TIGD7: variants seen among roughly 807,000 people sequenced by gnomAD.
TIGD7 encodes the protein tigger transposable element-derived protein 7.
Under a neutral mutation model 24.8 loss-of-function variants are expected in TIGD7, and 26 were observed. The ratio of observed to expected loss-of-function variants is 1.05; its 90% CI spans 0.77 to 1.45. The LOEUF (loss-of-function observed/expected upper bound fraction) is 1.45, where lower values mean the gene tolerates loss of function less well. Among genes scored for constraint, TIGD7 ranks in the 40% most tolerant of loss-of-function variants. The probability of loss-of-function intolerance (pLI) is 0.00; values close to 1 mark genes in which losing one functional copy is unlikely to be tolerated. For missense variants in TIGD7, 679 were observed against 641.6 expected (o/e 1.06, Z -0.63); for synonymous variants, 221 against 224.1 (o/e 0.99, Z 0.12).
chr16:3,302,538 A>T (rs1454941627), intron 1 of TIGD7, among the ~76,000 whole-genome samples: 1 of 152,230 alleles, frequency 6.6e-6, no homozygotes, highest in Admixed American at 6.5e-5. Context: ...CATGGAGAAG[A>T]TTACAAGAGA....
rs145410817 is a variant in TIGD7 at position 3,300,790 on chromosome 16, T to C, written c.-176A>G. The C allele has an allele frequency of 3.0e-5, 34 of 1,148,554 alleles. No homozygotes were observed. In the East Asian group the frequency reaches 9.5e-4, roughly 32 times the overall value. The allele number at this position is 1,148,554 out of a possible 1,614,324, so 71.1% of individuals were successfully genotyped here. A position where few individuals can be genotyped will look rare whatever the true frequency, so the allele number is the denominator to read the frequency against. Reference sequence around the variant, plus strand: ...GCTAACCATGACTGAAGAGCTAGTCTAGAGGTGGAGGTCTTATGCACTCAG... The same window carrying C: ...GCTAACCATGACTGAAGAGCTAGTCCAGAGGTGGAGGTCTTATGCACTCAG... On this transcript the variant is annotated 5_prime_UTR_variant, in exon 2 of 2. Coordinates refer to ENST00000396862, the MANE Select transcript of TIGD7 (RefSeq NM_033208.4).
Position 3,301,925 on chromosome 16 carries a change from G to C in TIGD7, c.-1311C>G, listed in dbSNP as rs527509086. The C allele has an allele frequency of 1.2e-5, 2 of 167,136 alleles. No homozygotes were observed. The highest frequency in any genetic ancestry group is 1.9e-4 in the East Asian group (1 of 5,188). The allele number at this position is 167,136 out of a possible 1,614,324, so 10.4% of individuals were successfully genotyped here. A position where few individuals can be genotyped will look rare whatever the true frequency, so the allele number is the denominator to read the frequency against. On this transcript the variant is annotated 5_prime_UTR_variant, in exon 2 of 2. Coordinates refer to ENST00000396862, the MANE Select transcript of TIGD7 (RefSeq NM_033208.4). ...ATTCCAGGTCCTTAGAAATGTCTTAGTCTAGATTAATTTCCTGGTTCTCAG... is the reference window on the plus strand; with the variant it reads ...ATTCCAGGTCCTTAGAAATGTCTTACTCTAGATTAATTTCCTGGTTCTCAG...
rs1342905879 is a variant in TIGD7, at chr16:3,301,976, A to G, written c.-1362T>C. ...TCCAGATACACAACCTCATGGGAAG[A>G]AACAAAAACTGCCACTTTTATCCAT... is the stretch of plus-strand genomic sequence containing the variant. On this transcript the variant is annotated 5_prime_UTR_variant, in exon 2 of 2. Transcript: ENST00000396862. The G allele has an allele frequency of 6.0e-6, 1 of 167,050 alleles. No homozygotes were observed. Among genetic ancestry groups the G allele is most frequent in the African/African-American group, 2.4e-5 (1 of 41,462 alleles). The allele number at this position is 167,050 out of a possible 1,614,324, so 10.3% of individuals were successfully genotyped here.
chr16:3,304,085 C>G (rs1960033436), intron 1 of TIGD7, among the ~76,000 whole-genome samples: 1 of 152,214 alleles, frequency 6.6e-6, no homozygotes, highest in African/African-American at 2.4e-5. Context: ...ATCCGCCCGC[C>G]TCGGCCTCCC....
At chr16:3,302,392 C>T (rs906841593) in intron 1 of TIGD7, among the ~76,000 whole-genome samples, 2 of 152,196 alleles carry the variant, frequency 1.3e-5, no homozygotes, top group African/African-American at 4.8e-5. Flanking sequence ...TCCCAAAGTG[C>T]TGGGATTACA....
chr16:3,303,171 G>T (rs1959988186), intron 1 of TIGD7, among the ~76,000 whole-genome samples: 1 of 152,196 alleles, frequency 6.6e-6, no homozygotes, highest in African/African-American at 2.4e-5. Context: ...GCCCAAGCAA[G>T]GGGAGGTGAA....
Position 3,299,372 on chromosome 16 carries a change from A to C in TIGD7, c.1243T>G (p.Leu415Val). Reference protein sequence around the residue: ...KKEPEYDFQGLEHGDYREILE... With the variant: ...KKEPEYDFQGVEHGDYREILE... The stretch of plus-strand genomic sequence containing the variant: ...ATTTCTCTATAATCCCCATGTTCTA[A>C]GCCTTGAAAATCATATTCAGGTTCC... Residue 415 changes from leucine (L) to valine (V), a missense_variant, in exon 2 of 2, where the codon TTA becomes GTA. Leu to Val is a conservative substitution (Grantham distance 32). Transcript: ENST00000396862. 6.4e-7 allele frequency: 1 copy of C among 1,566,848 alleles called. No homozygotes were observed. Among genetic ancestry groups the C allele is most frequent in the South Asian group, 1.2e-5 (1 of 82,888 alleles).
At position 3,299,579 on chromosome 16, in the gene TIGD7, G is replaced by GCTT. The variant is rs1567258406; in HGVS notation, c.1033_1035dup (p.Lys345dup). On this transcript the variant is annotated inframe_insertion, in exon 2 of 2. Transcript: ENST00000396862. The stretch of plus-strand genomic sequence containing the variant: ...AATATTACAAGACTCTCTTCAAGTT[G>GCTT]CTTCCATCTATACAGCCGTTTGCAG... 2.6e-6 allele frequency: 4 copies of GCTT among 1,539,754 alleles called. No homozygotes were observed.
At position 3,300,698 on chromosome 16, in the gene TIGD7, T is replaced by C. The variant is rs1213085243; in HGVS notation, c.-84A>G. On this transcript the variant is annotated 5_prime_UTR_variant, in exon 2 of 2. Transcript: ENST00000396862. Reference sequence around the variant, plus strand: ...TGGCAAAAAAAAAACCCACATTTTTTAAACAAAACTTAGCTGAAAGCCCCA... The same window carrying C: ...TGGCAAAAAAAAAACCCACATTTTTCAAACAAAACTTAGCTGAAAGCCCCA... 6.7e-6 allele frequency: 10 copies of C among 1,501,196 alleles called. No homozygotes were observed. In the South Asian group the frequency reaches 1.4e-4, roughly 21 times the overall value. 93.0% of individuals were successfully genotyped at this position (1,501,196 alleles called of 1,614,324 possible). A position where few individuals can be genotyped will look rare whatever the true frequency, so the allele number is the denominator to read the frequency against.
chr16:3,304,553 C>G (rs1431506107), intron 1 of TIGD7, among the ~76,000 whole-genome samples: 2 of 152,238 alleles, frequency 1.3e-5, no homozygotes, highest in Non-Finnish European at 2.9e-5. Context: ...CTACACATAG[C>G]TGACTTAATA....
At chr16:3,304,621 T>C (rs1215248144) in intron 1 of TIGD7, 1 of 152,198 alleles carries the variant, frequency 6.6e-6, no homozygotes, top group Non-Finnish European at 1.5e-5. Context: ...CCGAAACCAC[T>C]CATACTGGAC....
At chr16:3,303,185 A>G (rs1043910408) in intron 1 of TIGD7, among the ~76,000 whole-genome samples, 6 of 152,208 alleles carry the variant, frequency 3.9e-5, no homozygotes, top group Admixed American at 3.9e-4. Flanking sequence ...AGGTGAAACC[A>G]AAAGGAAAGG....
rs756928188 is a variant in TIGD7 at position 3,299,227 on chromosome 16, TG to T, written c.1387del (p.Gln463LysfsTer18). On this transcript the variant is annotated frameshift_variant, in exon 2 of 2. Transcript: ENST00000396862. LOFTEE classifies it high-confidence loss of function. ...TKGGITKEVV[Q>X]KGGEAEKQTA... is the part of the protein sequence containing the mutation. Reference sequence around the variant, plus strand: ...CTGCTTCTCAGCTTCTCCTCCTTTTTGAACAACTTCCTTTGTTATTCCACCT... The same window carrying T: ...CTGCTTCTCAGCTTCTCCTCCTTTTTAACAACTTCCTTTGTTATTCCACCT... 16 of 1,609,660 alleles carry T rather than the reference TG, an allele frequency of 9.9e-6. No individual in the cohort carries two copies. In the African/African-American group the frequency reaches 2.1e-4, roughly 22 times the overall value.
chr16:3,302,796 T>C (rs1439150147), intron 1 of TIGD7, among the ~76,000 whole-genome samples: 2 of 151,676 alleles, frequency 1.3e-5, no homozygotes, highest in South Asian at 2.1e-4. Flanking sequence ...TCAGAATTAA[T>C]GTATTTGCTT....
At position 3,299,265 on chromosome 16, in the gene TIGD7, G is replaced by A; in HGVS notation, c.1350C>T (p.Leu450=). The A allele has an allele frequency of 6.2e-7, 1 of 1,610,286 alleles. No homozygotes were observed. Among genetic ancestry groups the A allele is most frequent in the Non-Finnish European group, 8.5e-7 (1 of 1,178,712 alleles). The change falls in exon 2 of 2, where the codon CTC becomes CTT. Residue 450 remains leucine, a synonymous_variant. Transcript: ENST00000396862. ...TTGTTATTCCACCTTTGGTTTTTAG[G>A]AGACAACCCTTTTCTTCATCTCCAT... is the stretch of plus-strand genomic sequence containing the variant. The part of the protein sequence containing the change: ...WLNGDEEKGC[L]LKTKGGITKE...
At chr16:3,302,713 A>G (rs1300350966) in intron 1 of TIGD7, among the ~76,000 whole-genome samples, 1 of 152,174 alleles carries the variant, frequency 6.6e-6, no homozygotes, top group African/African-American at 2.4e-5. Flanking sequence ...TTGCTAGCCA[A>G]TAGCAGCACC....
chr16:3,300,403 C>G lies in TIGD7; in HGVS notation c.212G>C (p.Arg71Thr). Reference sequence around the variant, plus strand: ...ATCACCATATTTGGCTCCCGTTGTCCTCTTTCTCTTCTCAGCCCCTACTAA... The same window carrying G: ...ATCACCATATTTGGCTCCCGTTGTCGTCTTTCTCTTCTCAGCCCCTACTAA... ...MPLVGAEKRK[R>T]TTGAKYGDVD... Residue 71 changes from arginine to threonine, a missense_variant, in exon 2 of 2, where the codon AGG becomes ACG. Transcript: ENST00000396862. 1 of 1,614,200 alleles carries G rather than the reference C, an allele frequency of 6.2e-7. No individual in the cohort carries two copies. The highest frequency in any genetic ancestry group is 8.5e-7 in the Non-Finnish European group (1 of 1,180,034).
At chr16:3,302,971 G>A (rs2150781116) in intron 1 of TIGD7, among the ~76,000 whole-genome samples, 1 of 151,620 alleles carries the variant, frequency 6.6e-6, no homozygotes, top group East Asian at 1.9e-4. Flanking sequence ...CTAAGTAGCT[G>A]GGATTACAGG....
In TIGD7 at chr16:3,301,867, TC is replaced by T. The variant is rs1282559446; in HGVS notation, c.-1254del. 6 of 167,068 alleles carry T rather than the reference TC, an allele frequency of 3.6e-5. No individual in the cohort carries two copies. The highest frequency in any genetic ancestry group is 1.4e-4 in the African/African-American group (6 of 41,444). 10.3% of individuals were successfully genotyped at this position (167,068 alleles called of 1,614,324 possible). On this transcript the variant is annotated 5_prime_UTR_variant, in exon 2 of 2. The change creates a premature stop within an existing upstream ORF in the 5' untranslated region. Transcript: ENST00000396862. ...TCTGTCCCTCTAGGCCCTCAAATAC[TC>T]TTTTCGGGTCCTCCTGGTGCTCCCC... is the stretch of plus-strand genomic sequence containing the variant.
Sources: allele counts gnomAD v4.1 joint callset (sites outside exome capture counted in the v4.1 genomes callset), GRCh38; gene constraint gnomAD v4.1.1; transcripts MANE v1.5; gene names NCBI Gene and HGNC (gene_info 2026-07-23, HGNC 2026-07-21).